The following ARHGAP24 variants were observed in gnomAD, a reference collection of about 807,000 sequenced individuals.
ARHGAP24 encodes the protein Rho GTPase activating protein 24.
A neutral mutation model predicts 76.4 loss-of-function variants in ARHGAP24; 50 were observed. The ratio of observed to expected loss-of-function variants is 0.65; its 90% CI spans 0.52 to 0.83. The LOEUF (loss-of-function observed/expected upper bound fraction) is 0.83, where lower values mean the gene tolerates loss of function less well. Among genes scored for constraint, ARHGAP24 ranks in the 40% least tolerant of loss-of-function variants. ARHGAP24 has a pLI of 0.00. For synonymous variants in ARHGAP24, 345 were observed against 323.3 expected (o/e 1.07, Z -0.72); for missense variants, 930 against 914.2 (o/e 1.02, Z -0.22).
chr4:85,884,737 A>AT (rs1049436092), intron 3 of ARHGAP24, among the ~76,000 whole-genome samples: 4 of 152,004 alleles, frequency 2.6e-5, no homozygotes, highest in African/African-American at 9.7e-5. Flanking sequence ...AAATTCATTG[A>AT]TTTTTTTTCT....
intron 3 of ARHGAP24, among the ~76,000 whole-genome samples, chr4:85,904,715 A>T (rs2148793848): frequency 6.6e-6 from 1 of 152,358 alleles, no homozygotes; most frequent in East Asian, 1.9e-4. Context: ...GATTTACACA[A>T]TTTTTGTGTG....
At chr4:85,810,392 G>C (rs917341540) in intron 3 of ARHGAP24, among the ~76,000 whole-genome samples, 1 of 152,128 alleles carries the variant, frequency 6.6e-6, no homozygotes, top group Admixed American at 6.6e-5. Context: ...GCAAAGTACA[G>C]GCATATGCAT....
intron 1 of ARHGAP24, among the ~76,000 whole-genome samples, chr4:85,564,543 A>G (rs1199979796): frequency 6.6e-6 from 1 of 151,836 alleles, no homozygotes; most frequent in East Asian, 1.9e-4. Context: ...AAGTATAATA[A>G]TAAAAAAAAA....
intron 5 of ARHGAP24, among the ~76,000 whole-genome samples, chr4:85,960,102 C>T (rs952656229): frequency 1.3e-5 from 2 of 152,132 alleles, no homozygotes; most frequent in African/African-American, 4.8e-5. Flanking sequence ...AAACTTGTTC[C>T]TTCTCTGAAT....
At chr4:85,901,500 G>T (rs1012572411) in intron 3 of ARHGAP24, among the ~76,000 whole-genome samples, 5 of 152,134 alleles carry the variant, frequency 3.3e-5, no homozygotes, top group Non-Finnish European at 5.9e-5. Flanking sequence ...AATTTTACAT[G>T]ATATTTTAGA....
chr4:85,542,014 G>A (rs1299433848), intron 1 of ARHGAP24, among the ~76,000 whole-genome samples: 3 of 152,042 alleles, frequency 2.0e-5, no homozygotes, highest in Non-Finnish European at 4.4e-5. Context: ...AAGCTTACAG[G>A]AGTTATGCTT....
intron 2 of ARHGAP24, among the ~76,000 whole-genome samples, chr4:85,575,195 A>T (rs1578048302): frequency 6.6e-6 from 1 of 152,322 alleles, no homozygotes; most frequent in East Asian, 1.9e-4. Context: ...TCCATTGTCT[A>T]CAAGTATTTG....
intron 2 of ARHGAP24, chr4:85,686,741 A>G (rs1560585594): frequency 6.6e-6 from 1 of 152,054 alleles, no homozygotes. Context: ...ATATGAACAC[A>G]TTTATTCCTT....
intron 2 of ARHGAP24, among the ~76,000 whole-genome samples, chr4:85,643,590 C>T (rs1461168900): frequency 6.6e-6 from 1 of 152,104 alleles, no homozygotes; most frequent in African/African-American, 2.4e-5. Context: ...TACTTATCAC[C>T]TTCTAGCATA....
chr4:85,482,663 G>T (rs1471266733), intron 1 of ARHGAP24, among the ~76,000 whole-genome samples: 4 of 152,208 alleles, frequency 2.6e-5, no homozygotes, highest in Non-Finnish European at 5.9e-5. Context: ...GACAATGTTT[G>T]ATGTGACAAT....
chr4:85,514,656 G>A (rs1035885452), intron 1 of ARHGAP24, among the ~76,000 whole-genome samples: 3 of 151,756 alleles, frequency 2.0e-5, no homozygotes, highest in African/African-American at 7.3e-5. Context: ...TAGTGGAGGG[G>A]AGGGGAGCCA....
intron 2 of ARHGAP24, among the ~76,000 whole-genome samples, chr4:85,624,727 A>G (rs1167347715): frequency 1.3e-5 from 2 of 152,124 alleles, no homozygotes; most frequent in African/African-American, 4.8e-5. Context: ...TTGGTAAGCT[A>G]TTGATTATTG....
chr4:85,681,199 T>C (rs1560583033), intron 2 of ARHGAP24, among the ~76,000 whole-genome samples: 1 of 152,168 alleles, frequency 6.6e-6, no homozygotes, highest in East Asian at 1.9e-4. Flanking sequence ...GACAGTAGGA[T>C]TAAATAAGAA....
chr4:85,839,824 AGT>A (rs1730489705), intron 3 of ARHGAP24, among the ~76,000 whole-genome samples: 1 of 148,466 alleles, frequency 6.7e-6, no homozygotes, highest in Admixed American at 6.8e-5. Context: ...GAAACTACCA[AGT>A]GTCTTTTTTC....
intron 3 of ARHGAP24, among the ~76,000 whole-genome samples, chr4:85,833,656 C>T (rs1730112334): frequency 1.3e-5 from 2 of 152,178 alleles, no homozygotes; most frequent in Admixed American, 6.5e-5. Context: ...TTTGGAATTT[C>T]TGCCTTTTGG....
intron 3 of ARHGAP24, among the ~76,000 whole-genome samples, chr4:85,793,244 A>G (rs1003175361): frequency 6.6e-6 from 1 of 152,182 alleles, no homozygotes; most frequent in African/African-American, 2.4e-5. Flanking sequence ...TCTAAAATGT[A>G]TATTTCGAAA....
chr4:85,684,451 C>T lies in ARHGAP24; in HGVS notation c.181-37434C>T, dbSNP rs563419702. Among the ~76,000 whole-genome samples the T allele has an allele frequency of 1.1e-3, 167 of 152,088 alleles. 1 individual carries two copies. The highest frequency in any genetic ancestry group is 1.8e-3 in the Non-Finnish European group (121 of 67,990). ...ATGGTATAATATCTATACATTGCTG[C>T]TCCTGAGTCATTCATTCTTTGAAAT... On this transcript the variant is annotated intron_variant, in intron 2 of 9. Coordinates refer to ENST00000395184, the MANE Select transcript of ARHGAP24 (RefSeq NM_001025616.3).
chr4:85,537,190 A>G (rs952974237), intron 1 of ARHGAP24, among the ~76,000 whole-genome samples: 4 of 152,074 alleles, frequency 2.6e-5, no homozygotes, highest in African/African-American at 9.7e-5. Flanking sequence ...CTTTATATTC[A>G]ATTCTGGGCT....
chr4:85,729,257 A>G (rs1417011892), intron 3 of ARHGAP24, among the ~76,000 whole-genome samples: 4 of 152,152 alleles, frequency 2.6e-5, no homozygotes, highest in African/African-American at 9.7e-5. Context: ...AATTCTATAT[A>G]CACAAGTAGC....
Sources: allele counts gnomAD v4.1 joint callset (sites outside exome capture counted in the v4.1 genomes callset), GRCh38; gene constraint gnomAD v4.1.1; transcripts MANE v1.5; gene names NCBI Gene and HGNC (gene_info 2026-07-23, HGNC 2026-07-21).